DQX1: variants seen among roughly 807,000 people sequenced by gnomAD.
DQX1 encodes DEAQ-box RNA dependent ATPase 1, also known as ATP-dependent RNA helicase homolog DQX1.
In DQX1, 66 loss-of-function variants were observed where a neutral mutation model predicts 81.3. The observed-to-expected ratio is 0.81, with a 90% CI of 0.67 to 1.00. The LOEUF is 1.00. Ranked by LOEUF, DQX1 falls within the 50% of genes least tolerant of loss-of-function variation. DQX1 has a pLI of 0.00. For synonymous variants in DQX1, 290 were observed against 350.0 expected (o/e 0.83, Z 1.91); for missense variants, 798 against 867.9 (o/e 0.92, Z 1.01).
intron 4 of DQX1, 165 bp downstream of exon 4, chr2:74,523,758 C>G (rs1675100623): frequency 8.4e-7 from 1 of 1,186,688 alleles, no homozygotes. Context: ...CTGAAATCCT[C>G]AAGTTTTTCT....
rs532949134 is a variant in DQX1, at chr2:74,523,022, G to C, written c.1145-8C>G. The C allele has an allele frequency of 6.2e-7, 1 of 1,613,970 alleles. No homozygotes were observed. The highest frequency in any genetic ancestry group is 1.1e-5 in the South Asian group (1 of 91,076). On this transcript the variant is annotated splice_region_variant and splice_polypyrimidine_tract_variant and intron_variant, in intron 6 of 11. Coordinates refer to ENST00000404568, the MANE Select transcript of DQX1 (RefSeq NM_133637.3). Reference sequence around the variant, plus strand: ...ACAGGCAGAGGCAGGATCCTGAGGGGAAAAAGACCTGGGAAAGAAGACCAC... The same window carrying C: ...ACAGGCAGAGGCAGGATCCTGAGGGCAAAAAGACCTGGGAAAGAAGACCAC...
chr2:74,525,057 C>G lies in DQX1; in HGVS notation c.383G>C (p.Gly128Ala). The G allele has an allele frequency of 6.2e-7, 1 of 1,614,144 alleles. No homozygotes were observed. Among genetic ancestry groups the G allele is most frequent in the Non-Finnish European group, 8.5e-7 (1 of 1,180,006 alleles). Residue 128 changes from glycine to alanine, a missense_variant, in exon 3 of 12, where the codon GGA (glycine) becomes GCA (alanine). By Grantham distance (60) the Gly-to-Ala change is moderately conservative. Transcript: ENST00000404568. The surrounding 1 kb of genome is among the most constrained non-coding windows in gnomAD (Gnocchi z 4.1). ...GCAGTCCTCCTGGGGGATGCTGTATCCAACCTCATGACCCAGGGTCAGGTC... is the reference window on the plus strand; with the variant it reads ...GCAGTCCTCCTGGGGGATGCTGTATGCAACCTCATGACCCAGGGTCAGGTC... ...EMDLTLGHEV[G>A]YSIPQEDCTG...
intron 3 of DQX1, 109 bp from the exon 4 acceptor site, chr2:74,524,416 A>G: frequency 1.4e-6 from 2 of 1,441,428 alleles, no homozygotes; most frequent in South Asian, 1.4e-5. Context: ...GAAGGTCAGA[A>G]AAATATGCTG....
At position 74,525,505 on chromosome 2, in the gene DQX1, GC is replaced by G; in HGVS notation, c.224del (p.Gly75AlafsTer47). On this transcript the variant is annotated frameshift_variant, in exon 2 of 12. Coordinates refer to ENST00000404568, the MANE Select transcript of DQX1 (RefSeq NM_133637.3). LOFTEE classifies it high-confidence loss of function. This position sits in a 1 kb window ranked among gnomAD's most constrained non-coding sequence, Gnocchi z 4.1. The part of the protein sequence containing the change: ...VVLVSGEPGS[G>X]KSTQIPQWCA... ...ACCCCCACCACACCTGGGTGCTCTT[GC>G]CAGAACCAGGCTCCCCAGACACCAG... The G allele has an allele frequency of 6.4e-7, 1 of 1,552,168 alleles. No homozygotes were observed. Among genetic ancestry groups the G allele is most frequent in the Non-Finnish European group, 8.7e-7 (1 of 1,147,164 alleles).
At position 74,518,392 on chromosome 2, in the gene DQX1, A is replaced by T; in HGVS notation, c.*54T>A. ...GTCTGGGTGCTTTGGTGTCACCCTG[A>T]GGGATAATCTAATGTGATGAGATGA... On this transcript the variant is annotated 3_prime_UTR_variant, in exon 12 of 12. Transcript: ENST00000404568. 1 of 1,592,628 alleles carries T rather than the reference A, an allele frequency of 6.3e-7. No homozygotes were observed. Among genetic ancestry groups the T allele is most frequent in the Non-Finnish European group, 8.6e-7 (1 of 1,165,438 alleles).
intron 8 of DQX1, among the ~76,000 whole-genome samples, chr2:74,521,193 T>C (rs552139792): frequency 6.6e-6 from 1 of 152,310 alleles, no homozygotes; most frequent in East Asian, 1.9e-4. Flanking sequence ...GGAGAAAGAC[T>C]GGTCTAGAGT....
At position 74,525,559 on chromosome 2, in the gene DQX1, C is replaced by G. The variant is rs1675154724; in HGVS notation, c.171G>C (p.Gln57His). The change falls in exon 2 of 12, where the codon CAG (glutamine) becomes CAC (histidine). Residue 57 changes from glutamine to histidine, a missense_variant. Transcript: ENST00000404568. This position sits in a 1 kb window ranked among gnomAD's most constrained non-coding sequence, Gnocchi z 4.1. ...IWAARFTFLE[Q>H]LESNPTGVVL... The stretch of plus-strand genomic sequence containing the variant: ...CCACTCCAGTGGGGTTACTCTCCAA[C>G]TGCTCCAAGAAGGTAAAGCGAGCAG... 1 of 1,552,226 alleles carries G rather than the reference C, an allele frequency of 6.4e-7. No homozygotes were observed. Among genetic ancestry groups the G allele is most frequent in the Non-Finnish European group, 8.7e-7 (1 of 1,147,108 alleles).
chr2:74,519,463 C>T, intron 10 of DQX1, 93 bp downstream of exon 10: 1 of 1,504,088 alleles, frequency 6.6e-7, no homozygotes, highest in Non-Finnish European at 9.0e-7. Context: ...TTTGAATGGC[C>T]ACCTGGACCC....
chr2:74,525,890 G>C lies in DQX1; in HGVS notation c.-19-142C>G, dbSNP rs1675167862. ...CCAGCATTTCCTGCCAGGAAACAGT[G>C]CTAGGTATTTTGATAAAGGGCTACT... On this transcript the variant is annotated intron_variant, in intron 1 of 11. Transcript: ENST00000404568. The surrounding 1 kb of genome is among the most constrained non-coding windows in gnomAD (Gnocchi z 4.1). 9.4e-6 allele frequency: 6 copies of C among 637,200 alleles called. No homozygotes were observed. In the East Asian group the frequency reaches 1.6e-4, roughly 17 times the overall value. 39.5% of individuals were successfully genotyped at this position (637,200 alleles called of 1,614,324 possible).
intron 11 of DQX1, among the ~76,000 whole-genome samples, 173 bp from the exon 12 acceptor site, chr2:74,518,775 C>T (rs1005552743): frequency 6.6e-6 from 1 of 152,192 alleles, no homozygotes; most frequent in African/African-American, 2.4e-5. Flanking sequence ...AATCCTCCCA[C>T]CTCAATCTCC....
chr2:74,520,291 T>TA (rs1454470113), intron 8 of DQX1, among the ~76,000 whole-genome samples: 4 of 152,204 alleles, frequency 2.6e-5, no homozygotes, highest in African/African-American at 9.7e-5. Flanking sequence ...TAGGTGTTTG[T>TA]ATATGGTACT....
Position 74,523,123 on chromosome 2 carries a change from T to A in DQX1, c.1140A>T (p.Pro380=), listed in dbSNP as rs566651196. ...AGTGAGGGCAAAGGCTCTTACCTGG[T>A]GGGAACCCTCTTGCTCGCAATCGTC... The part of the protein sequence containing the change: ...EARRLRARGF[P]PGSCLCLYPK... The change falls in exon 6 of 12, where the codon CCA becomes CCT. Residue 380 remains proline (P), a synonymous_variant. Coordinates refer to ENST00000404568, the MANE Select transcript of DQX1 (RefSeq NM_133637.3). 1 of 1,614,194 alleles carries A rather than the reference T, an allele frequency of 6.2e-7. No individual in the cohort carries two copies. Among genetic ancestry groups the A allele is most frequent in the Non-Finnish European group, 8.5e-7 (1 of 1,180,040 alleles).
chr2:74,521,926 G>A (rs1675040545), intron 8 of DQX1, among the ~76,000 whole-genome samples: 1 of 152,172 alleles, frequency 6.6e-6, no homozygotes, highest in African/African-American at 2.4e-5. Context: ...CAAACCATGG[G>A]TGTGGATAAA....
In DQX1 at chr2:74,518,290, C is replaced by G; in HGVS notation, c.*156G>C. 1.2e-6 allele frequency: 1 copy of G among 824,164 alleles called. No individual in the cohort carries two copies. Among genetic ancestry groups the G allele is most frequent in the South Asian group, 1.9e-5 (1 of 53,424 alleles). The allele number at this position is 824,164 out of a possible 1,614,324, so 51.1% of individuals were successfully genotyped here. Reference sequence around the variant, plus strand: ...TAGACTGTGGTTTACCCCATTCTTTCCATTCCCAGTCTACCATTTCTTGGG... The same window carrying G: ...TAGACTGTGGTTTACCCCATTCTTTGCATTCCCAGTCTACCATTTCTTGGG... On this transcript the variant is annotated 3_prime_UTR_variant, in exon 12 of 12. Coordinates refer to ENST00000404568, the MANE Select transcript of DQX1 (RefSeq NM_133637.3).
rs1162982264 is a variant in DQX1 at position 74,524,075 on chromosome 2, C to A, written c.664G>T (p.Val222Leu). Residue 222 changes from valine (V) to leucine (L), a missense_variant, in exon 4 of 12, where the codon GTG becomes TTG. Val to Leu is a conservative substitution (Grantham distance 32, BLOSUM62 1). Coordinates refer to ENST00000404568, the MANE Select transcript of DQX1 (RefSeq NM_133637.3). ...TCACCAGGCTCTCTGGGTATATGCA[C>A]AATAGGAGGATTGCCCCAGAAAGCT... ...LRAFWGNPPI[V>L]HIPREPGERP... is the part of the protein sequence containing the mutation. 6 of 1,614,168 alleles carry A rather than the reference C, an allele frequency of 3.7e-6. No individual in the cohort carries two copies. Among genetic ancestry groups the A allele is most frequent in the Non-Finnish European group, 5.1e-6 (6 of 1,180,034 alleles).
At chr2:74,519,364 C>G in intron 10 of DQX1, 134 bp from the exon 11 acceptor site, 3 of 1,231,168 alleles carry the variant, frequency 2.4e-6, no homozygotes, top group Non-Finnish European at 3.4e-6. Flanking sequence ...TAGGTGTTGT[C>G]TGGTCTCTAC....
chr2:74,518,901 C>T (rs1325845543), intron 11 of DQX1, 139 bp downstream of exon 11: 1 of 952,274 alleles, frequency 1.1e-6, no homozygotes, highest in Non-Finnish European at 1.5e-6. Context: ...TCTCACCAGC[C>T]CTTCCACAAA....
chr2:74,523,391 C>G lies in DQX1; in HGVS notation c.963G>C (p.Val321=), dbSNP rs1249553106. 3 of 1,614,154 alleles carry G rather than the reference C, an allele frequency of 1.9e-6. No individual in the cohort carries two copies. Among genetic ancestry groups the G allele is most frequent in the Non-Finnish European group, 2.5e-6 (3 of 1,180,030 alleles). ...AGAAGTCAGCCAGCCAGTGAGTGAC[C>G]ACAACCTTTCGGGCATCCATGTCCT... ...VYEDMDARKV[V]VTHWLADFSF... Residue 321 remains valine (V), a synonymous_variant, in exon 5 of 12, where the codon GTG becomes GTC. Transcript: ENST00000404568.
rs1463875402 is a variant in DQX1, at chr2:74,523,507, T to C, written c.847A>G (p.Arg283Gly). 2.5e-6 allele frequency: 4 copies of C among 1,613,382 alleles called. No homozygotes were observed. In the Admixed American group the frequency reaches 5.0e-5, roughly 20 times the overall value. Reference protein sequence around the residue: ...EISLCCESLSREVESLLLQGL... With the variant: ...EISLCCESLSGEVESLLLQGL... ...TGGAGAAGCAAGGACTCTACCTCCC[T>C]GGACAAGGATTCACAGCACAGGGAA... Residue 283 changes from arginine to glycine, a missense_variant, in exon 5 of 12, where the codon AGG becomes GGG. Physicochemically the swap from Arg to Gly is moderately radical, Grantham distance 125. Transcript: ENST00000404568.
Sources: gnomAD v4.1 joint callset for allele counts (sites outside exome capture counted in the v4.1 genomes callset) on GRCh38, gnomAD v4.1.1 for gene constraint, Gnocchi (gnomAD v3.1) non-coding constraint, MANE v1.5 for transcripts, NCBI Gene and HGNC (gene_info 2026-07-23, HGNC 2026-07-21) for gene names.